Variants in XKRX observed in about 807,000 individuals in gnomAD.
XKRX encodes XK related X-linked.
A neutral mutation model predicts 22.4 loss-of-function variants in XKRX; 11 were observed. The ratio of observed to expected loss-of-function variants is 0.49; its 90% CI spans 0.31 to 0.81. XKRX has a LOEUF of 0.81. Ranked by LOEUF, XKRX falls within the 40% of genes least tolerant of loss-of-function variation. The probability of loss-of-function intolerance (pLI) is 0.05; values close to 1 mark genes in which losing one functional copy is unlikely to be tolerated. For synonymous variants in XKRX, 114 were observed against 132.2 expected, an observed-to-expected ratio of 0.86 and a Z score of 0.94; for missense variants, 320 against 336.5, an observed-to-expected ratio of 0.95 and a Z score of 0.38.
chrX:100,953,368 G>A, the XKRX span, among the ~76,000 whole-genome samples: 1 of 111,600 alleles, frequency 9.0e-6, no homozygotes, highest in East Asian at 2.8e-4. Context: ...TCAAGTGTAA[G>A]AGATAAAATT....
At chrX:100,900,297 G>A in the XKRX span, among the ~76,000 whole-genome samples, 2 of 110,637 alleles carry the variant, frequency 1.8e-5, no homozygotes, top group African/African-American at 6.6e-5. Flanking sequence ...CTAGGCTCAA[G>A]TGATCCTCCT....
chrX:100,925,857 T>C (rs1353484468), intron 1 of XKRX, among the ~76,000 whole-genome samples: 1 of 112,103 alleles, frequency 8.9e-6, no homozygotes, highest in African/African-American at 3.2e-5. Context: ...GTTTGGTCCA[T>C]CCTGTGTTGT....
chrX:100,921,348 C>A (rs777109611), intron 2 of XKRX, among the ~76,000 whole-genome samples: 1 of 111,550 alleles, frequency 9.0e-6, no homozygotes, highest in Non-Finnish European at 1.9e-5. Flanking sequence ...GTAATGTACA[C>A]CTATTTTTAT....
At chrX:100,897,603 G>A in the XKRX span, among the ~76,000 whole-genome samples, 20,671 of 80,672 alleles carry the variant, frequency 0.26, 2,503 homozygotes, top group East Asian at 0.35. Context: ...ATGTGTGTGT[G>A]TGTGTGTGTG....
At chrX:100,936,114 C>T in the XKRX span, among the ~76,000 whole-genome samples, 1 of 111,467 alleles carries the variant, frequency 9.0e-6, no homozygotes, top group Non-Finnish European at 1.9e-5. Flanking sequence ...ACGTTTTCTG[C>T]CTAAATTAGC....
the XKRX span, among the ~76,000 whole-genome samples, chrX:100,940,601 G>T: frequency 1.8e-5 from 2 of 111,519 alleles, no homozygotes; most frequent in African/African-American, 6.5e-5. Flanking sequence ...TTCAGCAAAA[G>T]CTCCCATGGG....
At chrX:100,903,863 C>G in the XKRX span, among the ~76,000 whole-genome samples, 1 of 111,737 alleles carries the variant, frequency 8.9e-6, no homozygotes, top group Non-Finnish European at 1.9e-5. Flanking sequence ...AGAAATAGTC[C>G]ATGTTCATGG....
the XKRX span, among the ~76,000 whole-genome samples, chrX:100,888,810 G>A: frequency 1.8e-5 from 2 of 109,613 alleles, no homozygotes; most frequent in Non-Finnish European, 3.8e-5. Context: ...ATGTACAAAG[G>A]ACCTGAAATG....
intron 2 of XKRX, among the ~76,000 whole-genome samples, chrX:100,915,425 G>T (rs1054686505): frequency 3.6e-5 from 4 of 110,178 alleles, no homozygotes; most frequent in African/African-American, 1.3e-4. Flanking sequence ...TAAGAAAAAG[G>T]ACCTTGTACA....
chrX:100,947,361 A>G, the XKRX span, among the ~76,000 whole-genome samples: 1 of 112,376 alleles, frequency 8.9e-6, no homozygotes, highest in African/African-American at 3.2e-5. Flanking sequence ...CGTGGTGAGT[A>G]ATTTAGTCAC....
At chrX:100,900,080 G>T in the XKRX span, among the ~76,000 whole-genome samples, 2 of 111,623 alleles carry the variant, frequency 1.8e-5, no homozygotes, top group East Asian at 5.6e-4. Context: ...AGACTTGGCC[G>T]GGTGCAGTGG....
downstream of XKRX, among the ~76,000 whole-genome samples, chrX:100,911,877 A>G (rs751037443): frequency 9.9e-5 from 11 of 110,720 alleles, no homozygotes; most frequent in Non-Finnish European, 2.1e-4. Context: ...GTCAGAAACT[A>G]CTCCACACCC....
At chrX:100,956,869 T>C in the XKRX span, 1 of 832,780 alleles carries the variant, frequency 1.2e-6, no homozygotes, top group Non-Finnish European at 1.8e-6. Flanking sequence ...TAAAGTCAAG[T>C]CTAGCCTAGA....
At chrX:100,937,337 C>A in the XKRX span, among the ~76,000 whole-genome samples, 228 of 111,586 alleles carry the variant, frequency 2.0e-3, no homozygotes, top group African/African-American at 7.1e-3. Flanking sequence ...TAACTGTACA[C>A]GACCTGGAAT....
the XKRX span, among the ~76,000 whole-genome samples, chrX:100,889,488 C>T: frequency 9.1e-6 from 1 of 110,110 alleles, no homozygotes; most frequent in East Asian, 2.9e-4. Context: ...CTTCCTGCGT[C>T]AGCCTTGCGA....
downstream of XKRX, among the ~76,000 whole-genome samples, chrX:100,909,317 A>G (rs2085398754): frequency 8.9e-6 from 1 of 112,093 alleles, no homozygotes; most frequent in African/African-American, 3.2e-5. Context: ...GCCTCCTGAT[A>G]AGGAGTGTTT....
In XKRX at chrX:100,928,514, G is replaced by C. The variant is rs2085508188; in HGVS notation, c.-210C>G. Reference sequence around the variant, plus strand: ...GGAGTCTGGGATGGAAAGCCCAGGAGTACCACTTTGAACTTGACTCTTGAT... The same window carrying C: ...GGAGTCTGGGATGGAAAGCCCAGGACTACCACTTTGAACTTGACTCTTGAT... On this transcript the variant is annotated 5_prime_UTR_variant, in exon 1 of 3. An upstream open reading frame in the 5' UTR gains an earlier in-frame stop. Coordinates refer to ENST00000372956, the MANE Select transcript of XKRX (RefSeq NM_212559.3). 1.0e-5 allele frequency: 11 copies of C among 1,058,776 alleles called. No homozygotes were observed. In the East Asian group the frequency reaches 2.4e-4, roughly 23 times the overall value. The allele number at this position is 1,058,776 out of a possible 1,213,427, so 87.3% of individuals were successfully genotyped here.
intron 1 of XKRX, among the ~76,000 whole-genome samples, chrX:100,926,403 A>C (rs960972519): frequency 8.9e-6 from 1 of 112,219 alleles, no homozygotes; most frequent in Non-Finnish European, 1.9e-5. Flanking sequence ...TCCCCACTTA[A>C]AAATTTATTG....
chrX:100,950,826 A>T, the XKRX span, among the ~76,000 whole-genome samples: 1 of 112,479 alleles, frequency 8.9e-6, no homozygotes, highest in African/African-American at 3.2e-5. Context: ...AGGGAAATTT[A>T]AAAAATATAT....
Sources: allele counts gnomAD v4.1 joint callset (sites outside exome capture counted in the v4.1 genomes callset), GRCh38; gene constraint gnomAD v4.1.1; transcripts MANE v1.5; gene names NCBI Gene and HGNC (gene_info 2026-07-23, HGNC 2026-07-21).